AMD1: variants seen among roughly 807,000 people sequenced by gnomAD.
The protein encoded by AMD1 is adenosylmethionine decarboxylase 1.
AMD1 carries 11 observed loss-of-function variants against 40.2 expected under a neutral mutation model. The observed-to-expected ratio is 0.27, with a 90% CI of 0.17 to 0.45. The LOEUF (loss-of-function observed/expected upper bound fraction) is 0.45, where lower values mean the gene tolerates loss of function less well. AMD1 is among the 20% of genes least tolerant of loss of function. The probability of loss-of-function intolerance (pLI) is 1.00; values close to 1 mark genes in which losing one functional copy is unlikely to be tolerated. For missense variants in AMD1, 257 were observed against 410.2 expected (o/e 0.63, Z 3.23); for synonymous variants, 121 against 130.8 (o/e 0.93, Z 0.51).
the AMD1 span, among the ~76,000 whole-genome samples, chr6:110,840,076 T>C: frequency 7.0e-6 from 1 of 142,354 alleles, no homozygotes; most frequent in Non-Finnish European, 1.5e-5. Flanking sequence ...TGAAGTGCAA[T>C]GGTGCGATCT....
intron 4 of AMD1, chr6:110,891,682 G>C (rs755111249): frequency 5.9e-6 from 1 of 168,420 alleles, no homozygotes; most frequent in Non-Finnish European, 1.3e-5. Context: ...GCAAATACCC[G>C]CCAAGTCAGT....
chr6:110,855,089 T>TTTTTTTTTTA, the AMD1 span, among the ~76,000 whole-genome samples: 1 of 146,896 alleles, frequency 6.8e-6, no homozygotes, highest in Non-Finnish European at 1.5e-5. Context: ...TTTTTTTTTT[T>TTTTTTTTTTA]GAGAGAATTG....
intron 1 of AMD1, 66 bp downstream of exon 1, chr6:110,875,281 C>T: frequency 7.7e-7 from 1 of 1,294,848 alleles, no homozygotes; most frequent in Non-Finnish European, 1.1e-6. Flanking sequence ...AGGCACCAGC[C>T]ACGGGTGGAG....
chr6:110,839,133 T>C, the AMD1 span, among the ~76,000 whole-genome samples: 1 of 152,216 alleles, frequency 6.6e-6, no homozygotes, highest in African/African-American at 2.4e-5. Context: ...GTTTCATCCT[T>C]CAAGGAAACT....
At chr6:110,821,851 C>T in the AMD1 span, among the ~76,000 whole-genome samples, 4 of 152,028 alleles carry the variant, frequency 2.6e-5, no homozygotes, top group African/African-American at 9.7e-5. Context: ...GTGCTAAATG[C>T]CTACATCAAA....
chr6:110,850,678 C>T, the AMD1 span, among the ~76,000 whole-genome samples: 4 of 152,102 alleles, frequency 2.6e-5, no homozygotes, highest in East Asian at 1.9e-4. Context: ...TAAAGGAATA[C>T]GCAATGTAAC....
intron 1 of AMD1, among the ~76,000 whole-genome samples, chr6:110,877,593 G>A (rs1785185880): frequency 6.6e-6 from 1 of 152,264 alleles, no homozygotes; most frequent in Non-Finnish European, 1.5e-5. Context: ...AATTCAAACA[G>A]CATTTAATAG....
At chr6:110,828,082 A>T in the AMD1 span, among the ~76,000 whole-genome samples, 1 of 152,192 alleles carries the variant, frequency 6.6e-6, no homozygotes, top group Non-Finnish European at 1.5e-5. Flanking sequence ...GAGCTTGGGC[A>T]TTTTAATTTT....
At chr6:110,828,685 T>C in the AMD1 span, among the ~76,000 whole-genome samples, 2 of 152,210 alleles carry the variant, frequency 1.3e-5, no homozygotes, top group Non-Finnish European at 2.9e-5. Flanking sequence ...TTATGAGCAA[T>C]GTGGAAGTCA....
the AMD1 span, among the ~76,000 whole-genome samples, chr6:110,827,290 C>CTTT: frequency 0.027 from 3,882 of 145,756 alleles, 75 homozygotes; most frequent in South Asian, 0.084. Context: ...ATTTTTCTTT[C>CTTT]TTTTTTTTTT....
chr6:110,870,596 C>G (rs1223322995), upstream of AMD1, among the ~76,000 whole-genome samples: 1 of 152,156 alleles, frequency 6.6e-6, no homozygotes, highest in Non-Finnish European at 1.5e-5. Context: ...TGCACCCCAG[C>G]CTGGGTGACA....
At position 110,893,838 on chromosome 6, in the gene AMD1, C is replaced by T. The variant is rs1359090157; in HGVS notation, c.*222C>T. ...GCTCTCTTCTGTGTTTAGGTATTCT[C>T]TGCCACTCTTGCTGTGAAATTGAAG... On this transcript the variant is annotated 3_prime_UTR_variant, in exon 9 of 9. Transcript: ENST00000368885. 1 of 483,568 alleles carries T rather than the reference C, an allele frequency of 2.1e-6. No individual in the cohort carries two copies. Among genetic ancestry groups the T allele is most frequent in the East Asian group, 3.4e-5 (1 of 29,274 alleles). The allele number at this position is 483,568 out of a possible 1,614,324, so 30.0% of individuals were successfully genotyped here.
At chr6:110,870,934 T>C (rs1326247488), upstream of AMD1, among the ~76,000 whole-genome samples, 1 of 152,224 alleles carries the variant, frequency 6.6e-6, no homozygotes, top group African/African-American at 2.4e-5. Context: ...TGGGGATCTC[T>C]TTGCTATAGT....
chr6:110,841,463 C>T, the AMD1 span, among the ~76,000 whole-genome samples: 2 of 152,202 alleles, frequency 1.3e-5, no homozygotes, highest in African/African-American at 4.8e-5. Context: ...AGCTCGCAGC[C>T]TATGCCCCTT....
the AMD1 span, among the ~76,000 whole-genome samples, chr6:110,854,826 C>A: frequency 1.5e-4 from 23 of 152,104 alleles, no homozygotes; most frequent in African/African-American, 5.6e-4. Context: ...CTCCTAGTTT[C>A]ATAAATTTTA....
the AMD1 span, chr6:110,859,174 T>C: frequency 9.9e-7 from 1 of 1,014,472 alleles, no homozygotes; most frequent in Non-Finnish European, 1.4e-6. Context: ...TCTCCCCATA[T>C]CATCTCCCCG....
chr6:110,875,584 G>C (rs1476612201), intron 1 of AMD1: 5 of 175,574 alleles, frequency 2.8e-5, no homozygotes, highest in African/African-American at 1.2e-4. Flanking sequence ...GGGGCCCCAG[G>C]TGGGGGTCGG....
In AMD1 at chr6:110,874,905, C is replaced by T. The variant is rs1785014389; in HGVS notation, c.-201C>T. The stretch of plus-strand genomic sequence containing the variant: ...CTATTTCCAAAAGACTCACGTTCAA[C>T]TTTCGCTCACACAAAGCCGGGAAAA... On this transcript the variant is annotated 5_prime_UTR_variant, in exon 1 of 9. Transcript: ENST00000368885. The T allele has an allele frequency of 1.4e-5, 8 of 560,996 alleles. No individual in the cohort carries two copies. The highest frequency in any genetic ancestry group is 2.5e-5 in the Non-Finnish European group (8 of 316,302). 34.8% of individuals were successfully genotyped at this position (560,996 alleles called of 1,614,324 possible). A position where few individuals can be genotyped will look rare whatever the true frequency, so the allele number is the denominator to read the frequency against.
chr6:110,844,303 A>G, the AMD1 span, among the ~76,000 whole-genome samples: 1 of 150,798 alleles, frequency 6.6e-6, no homozygotes, highest in Non-Finnish European at 1.5e-5. Context: ...GATTACAGGC[A>G]TGTGCCACAA....
Sources: allele counts gnomAD v4.1 joint callset (sites outside exome capture counted in the v4.1 genomes callset), GRCh38; gene constraint gnomAD v4.1.1; transcripts MANE v1.5; gene names NCBI Gene and HGNC (gene_info 2026-07-23, HGNC 2026-07-21).